Variants in DCAF6 observed in about 807,000 individuals in gnomAD.
The protein encoded by DCAF6 is DDB1 and CUL4 associated factor 6.
A neutral mutation model predicts 125.1 loss-of-function variants in DCAF6; 54 were observed. The observed-to-expected ratio is 0.43, with a 90% CI of 0.35 to 0.54. DCAF6 has a LOEUF of 0.54. DCAF6 is among the 20% of genes least tolerant of loss of function. The pLI, the probability that DCAF6 is intolerant of heterozygous loss-of-function variation, is 0.01. For missense variants in DCAF6, 934 were observed against 1,161.7 expected, an observed-to-expected ratio of 0.80 and a Z score of 2.85; for synonymous variants, 371 against 390.4, an observed-to-expected ratio of 0.95 and a Z score of 0.58.
rs139170636 is a variant in DCAF6, at chr1:168,017,432, T to C, written c.1549+1481T>C. ...CTGTCTAACAGGAAAGAAGTATACA[T>C]TGTAGATGTTGGAAAAATATTTTGA... On this transcript the variant is annotated intron_variant, in intron 11 of 21. Transcript: ENST00000367840. Among the ~76,000 whole-genome samples, 55 of 152,220 alleles carry C rather than the reference T, an allele frequency of 3.6e-4. 1 individual carries two copies. The East Asian group carries it at 9.4e-3, about 26-fold the overall frequency.
chr1:167,899,506 C>T, the DCAF6 span: 2 of 1,614,094 alleles, frequency 1.2e-6, no homozygotes, highest in South Asian at 1.1e-5. Flanking sequence ...GACAGAATAA[C>T]ATCATTCATC....
chr1:167,979,118 TG>T (rs1270980456), intron 4 of DCAF6, among the ~76,000 whole-genome samples: 2 of 152,232 alleles, frequency 1.3e-5, no homozygotes, highest in Non-Finnish European at 2.9e-5. Context: ...GTAATCTATC[TG>T]GATTTGACTT....
chr1:167,990,552 A>T (rs1022629995), intron 5 of DCAF6, among the ~76,000 whole-genome samples: 1 of 152,156 alleles, frequency 6.6e-6, no homozygotes, highest in Non-Finnish European at 1.5e-5. Context: ...ATTTCTAAAG[A>T]TGTTCATTAT....
intron 12 of DCAF6, among the ~76,000 whole-genome samples, chr1:168,027,077 C>A (rs1686429250): frequency 6.6e-6 from 1 of 152,044 alleles, no homozygotes; most frequent in Admixed American, 6.6e-5. Context: ...ATCAATGATA[C>A]CAACTCCCAG....
intron 4 of DCAF6, among the ~76,000 whole-genome samples, chr1:167,987,186 C>T (rs1680127848): frequency 6.6e-6 from 1 of 152,088 alleles, no homozygotes; most frequent in Non-Finnish European, 1.5e-5. Context: ...ATAGTTTGAA[C>T]AAGCTACCTA....
intron 16 of DCAF6, 131 bp downstream of exon 16, chr1:168,045,358 A>ATTT (rs1294260740): frequency 2.6e-6 from 2 of 766,564 alleles, no homozygotes; most frequent in East Asian, 5.4e-5. Flanking sequence ...TATAAACTTA[A>ATTT]AGAAACTTTA....
the DCAF6 span, among the ~76,000 whole-genome samples, chr1:167,905,695 A>C: frequency 1.3e-5 from 2 of 152,160 alleles, no homozygotes. Context: ...GATTAAGACT[A>C]TAAAGGTATA....
In DCAF6 at chr1:168,003,216, C is replaced by T. The variant is rs3767463; in HGVS notation, c.997+641C>T. On this transcript the variant is annotated intron_variant, in intron 8 of 21. Coordinates refer to ENST00000367840, the MANE Select transcript of DCAF6 (RefSeq NM_001198956.2). ...ATTTCACAGAAAATGTAAGAAGAAC[C>T]GATTTTCATTTTAAATTATAAGACT... Among the ~76,000 whole-genome samples, 27 of 152,012 alleles carry T rather than the reference C, an allele frequency of 1.8e-4. No individual in the cohort carries two copies. The East Asian group carries it at 4.3e-3, about 24-fold the overall frequency.
chr1:167,919,558 C>T, the DCAF6 span, among the ~76,000 whole-genome samples: 10 of 152,156 alleles, frequency 6.6e-5, no homozygotes. Context: ...TCCAATACTA[C>T]ATAACAATAC....
chr1:167,929,952 TAC>T, the DCAF6 span, among the ~76,000 whole-genome samples: 1 of 152,180 alleles, frequency 6.6e-6, no homozygotes, highest in African/African-American at 2.4e-5. Flanking sequence ...TTCCTTACAT[TAC>T]ACAAGTTCAC....
chr1:167,883,394 C>A, the DCAF6 span: 1 of 1,602,972 alleles, frequency 6.2e-7, no homozygotes, highest in Non-Finnish European at 8.5e-7. Context: ...TGAATGCTAA[C>A]CTAAAACTAT....
At chr1:168,003,018 T>G (rs1400642111) in intron 8 of DCAF6, among the ~76,000 whole-genome samples, 11 of 152,162 alleles carry the variant, frequency 7.2e-5, no homozygotes, top group Non-Finnish European at 2.9e-5. Flanking sequence ...ATAGCACACT[T>G]GAAAATAGAA....
chr1:167,939,589 C>T (rs557462306), intron 1 of DCAF6, among the ~76,000 whole-genome samples: 2 of 152,232 alleles, frequency 1.3e-5, no homozygotes, highest in East Asian at 1.9e-4. Context: ...TGGTGAAACC[C>T]TGGTCTTTAC....
At chr1:167,886,817 G>C in the DCAF6 span, among the ~76,000 whole-genome samples, 2 of 152,078 alleles carry the variant, frequency 1.3e-5, no homozygotes. Context: ...CTAATATCCA[G>C]AATCTACAAA....
At chr1:168,027,488 T>C (rs1338732865) in intron 12 of DCAF6, among the ~76,000 whole-genome samples, 2 of 152,168 alleles carry the variant, frequency 1.3e-5, no homozygotes. Context: ...CTCTGACTAA[T>C]GATTATTTCA....
intron 10 of DCAF6, among the ~76,000 whole-genome samples, chr1:168,007,420 AGTT>A (rs1300816241): frequency 6.6e-6 from 1 of 152,106 alleles, no homozygotes; most frequent in Non-Finnish European, 1.5e-5. Context: ...TCCTCAGAAG[AGTT>A]GTTGATAGAT....
intron 7 of DCAF6, among the ~76,000 whole-genome samples, chr1:167,997,278 C>G (rs1313188258): frequency 6.6e-6 from 1 of 152,132 alleles, no homozygotes; most frequent in South Asian, 2.1e-4. Context: ...AAAAATTCCT[C>G]TCTGTTGAAA....
chr1:167,940,852 T>G (rs186206891), intron 1 of DCAF6, among the ~76,000 whole-genome samples: 1 of 152,208 alleles, frequency 6.6e-6, no homozygotes, highest in African/African-American at 2.4e-5. Context: ...TTTATTATAA[T>G]GTATAAAATG....
chr1:167,964,549 T>C (rs954305028), intron 2 of DCAF6, among the ~76,000 whole-genome samples: 4 of 152,208 alleles, frequency 2.6e-5, no homozygotes, highest in African/African-American at 9.6e-5. Context: ...TCCTGATTAT[T>C]GTTCTCTGAG....
Sources: gnomAD v4.1 joint callset for allele counts (sites outside exome capture counted in the v4.1 genomes callset) on GRCh38, gnomAD v4.1.1 for gene constraint, MANE v1.5 for transcripts, NCBI Gene and HGNC (gene_info 2026-07-23, HGNC 2026-07-21) for gene names.